Variants in PXDN observed in about 807,000 individuals in gnomAD.
PXDN encodes the protein peroxidasin homolog.
A neutral mutation model predicts 140.3 loss-of-function variants in PXDN; 77 were observed. The observed-to-expected ratio is 0.55, with a 90% CI of 0.46 to 0.66. PXDN has a LOEUF of 0.66. Among genes scored for constraint, PXDN ranks in the 30% least tolerant of loss-of-function variants. The probability of loss-of-function intolerance (pLI) is 0.00; values close to 1 mark genes in which losing one functional copy is unlikely to be tolerated. For synonymous variants in PXDN, 911 were observed against 857.4 expected, an observed-to-expected ratio of 1.06 and a Z score of -1.09; for missense variants, 1,838 against 2,039.5, an observed-to-expected ratio of 0.90 and a Z score of 1.90.
At chr2:1,698,826 A>G (rs1684355210) in intron 1 of PXDN, among the ~76,000 whole-genome samples, 1 of 152,208 alleles carries the variant, frequency 6.6e-6, no homozygotes, top group Non-Finnish European at 1.5e-5. Context: ...CAAAGAGAAG[A>G]CTGCAATAAC....
rs2125445721 is a variant in PXDN at position 1,685,747 on chromosome 2, CG to C, written c.417-1597del. Among the ~76,000 whole-genome samples the C allele has an allele frequency of 7.3e-6, 1 of 136,696 alleles. No homozygotes were observed. The highest frequency in any genetic ancestry group is 2.0e-4 in the East Asian group (1 of 5,060). The allele number at this position is 136,696 out of a possible 152,430, so 89.7% of individuals were successfully genotyped here. A position where few individuals can be genotyped will look rare whatever the true frequency, so the allele number is the denominator to read the frequency against. On this transcript the variant is annotated intron_variant, in intron 4 of 22. Coordinates refer to ENST00000252804, the MANE Select transcript of PXDN (RefSeq NM_012293.3). This position sits in a 1 kb window ranked among gnomAD's most constrained non-coding sequence, Gnocchi z 5.1. ...CTTGGCACCTGCTGCACAGGTGCTA[CG>C]GGAAATGACGGCCCAGGGTGCACAG...
At chr2:1,733,674 G>A (rs1027488023) in intron 1 of PXDN, among the ~76,000 whole-genome samples, 15 of 148,946 alleles carry the variant, frequency 1.0e-4, no homozygotes, top group African/African-American at 1.5e-4. Context: ...CCCGGGAGGC[G>A]GAGGCTGCAG....
Position 1,660,889 on chromosome 2 carries a change from C to T in PXDN, c.1829G>A (p.Ser610Asn). The change falls in exon 14 of 23, where the codon AGT becomes AAT. Residue 610 changes from serine to asparagine, a missense_variant. By Grantham distance (46) the Ser-to-Asn change is conservative. This residue lies in a region of PXDN where 537 missense variants were observed against 583.9 expected (regional missense o/e 0.92). Coordinates refer to ENST00000252804, the MANE Select transcript of PXDN (RefSeq NM_012293.3). The surrounding 1 kb of genome is among the most constrained non-coding windows in gnomAD (Gnocchi z 4.6). Reference protein sequence around the residue: ...IGSASVSMVLSVNVPDVSRNG... With the variant: ...IGSASVSMVLNVNVPDVSRNG... ...GGCATGTGGCATCTTACCATTCACACTGAGCACCATGCTCACCGAGGCCGA... is the reference window on the plus strand; with the variant it reads ...GGCATGTGGCATCTTACCATTCACATTGAGCACCATGCTCACCGAGGCCGA... The T allele has an allele frequency of 1.2e-6, 2 of 1,611,714 alleles. No homozygotes were observed. Among genetic ancestry groups the T allele is most frequent in the Non-Finnish European group, 1.7e-6 (2 of 1,178,494 alleles).
Position 1,680,284 on chromosome 2 carries a change from C to G in PXDN, c.639G>C (p.Ser213=). The change falls in exon 7 of 23, where the codon TCG becomes TCC. Residue 213 remains serine (S), a synonymous_variant. Transcript: ENST00000252804. ...AGATGGCCGCTGCCTGCGCGTTCCC[C>G]GACTCCGCGTAGGTTTTCAGCAAAT... The part of the protein sequence containing the change: ...LADLLKTYAE[S]GNAQAAAICE... The G allele has an allele frequency of 6.2e-7, 1 of 1,613,970 alleles. No individual in the cohort carries two copies. The highest frequency in any genetic ancestry group is 1.1e-5 in the South Asian group (1 of 91,072).
At chr2:1,728,794 T>C (rs1301085595) in intron 1 of PXDN, among the ~76,000 whole-genome samples, 1 of 152,152 alleles carries the variant, frequency 6.6e-6, no homozygotes, top group Non-Finnish European at 1.5e-5. Flanking sequence ...GAATCAACAA[T>C]GTACAGAAAC....
chr2:1,648,101 A>T lies in PXDN; in HGVS notation c.3608+71T>A. On this transcript the variant is annotated intron_variant, in intron 17 of 22. Transcript: ENST00000252804. This position sits in a 1 kb window ranked among gnomAD's most constrained non-coding sequence, Gnocchi z 8.9. ...AAACTCACACACAGAGACAAATAAC[A>T]CACACACCACAGTTCAGGTGTTCCA... The T allele has an allele frequency of 6.5e-7, 1 of 1,526,814 alleles. No homozygotes were observed. The highest frequency in any genetic ancestry group is 8.9e-7 in the Non-Finnish European group (1 of 1,122,862). The allele number at this position is 1,526,814 out of a possible 1,614,324, so 94.6% of individuals were successfully genotyped here. A position where few individuals can be genotyped will look rare whatever the true frequency, so the allele number is the denominator to read the frequency against.
intron 1 of PXDN, among the ~76,000 whole-genome samples, chr2:1,719,837 TG>T (rs1558525400): frequency 1.5e-3 from 58 of 38,952 alleles, no homozygotes; most frequent in Admixed American, 4.0e-3. Context: ...GCGTGCATTG[TG>T]TGTGTGTGTG....
rs565157562 is a variant in PXDN at position 1,709,439 on chromosome 2, C to T, written c.201-16305G>A. 1.4e-3 allele frequency among the ~76,000 whole-genome samples: 219 copies of T among 152,108 alleles called. 1 individual carries two copies. Among genetic ancestry groups the T allele is most frequent in the Admixed American group, 6.2e-3 (95 of 15,298 alleles). On this transcript the variant is annotated intron_variant, in intron 1 of 22. Transcript: ENST00000252804. Reference sequence around the variant, plus strand: ...GACAGGGTGAGGAAAGGACCTCTAACGGAAGCCACAGCGGGGCTGGGGTGC... The same window carrying T: ...GACAGGGTGAGGAAAGGACCTCTAATGGAAGCCACAGCGGGGCTGGGGTGC...
intron 1 of PXDN, among the ~76,000 whole-genome samples, chr2:1,715,052 TAC>T (rs1684864130): frequency 6.6e-6 from 1 of 151,894 alleles, no homozygotes; most frequent in South Asian, 2.1e-4. Flanking sequence ...TTCATGCATA[TAC>T]AGTTTACTCT....
In PXDN at chr2:1,665,041, CT is replaced by C; in HGVS notation, c.1324del (p.Arg442GlufsTer76). 1 of 1,611,510 alleles carries C rather than the reference CT, an allele frequency of 6.2e-7. No individual in the cohort carries two copies. Among genetic ancestry groups the C allele is most frequent in the Non-Finnish European group, 8.5e-7 (1 of 1,178,784 alleles). On this transcript the variant is annotated frameshift_variant, in exon 11 of 23. Transcript: ENST00000252804. LOFTEE classifies it high-confidence loss of function. ...LPQFTVTPQDRVVIEGQTVDF... is the reference protein window; with the variant it reads ...LPQFTVTPQDXVVIEGQTVDF... ...CACGGTCTGGCCCTCAATAACGACT[CT>C]GTCCTGAGGCGTCACAGTGAACTGA...
At chr2:1,654,762 A>G (rs1683091549) in intron 14 of PXDN, among the ~76,000 whole-genome samples, 1 of 152,224 alleles carries the variant, frequency 6.6e-6, no homozygotes, top group Non-Finnish European at 1.5e-5. Context: ...TATAATGTGA[A>G]GCATGGAAGA....
At chr2:1,638,759 A>C in intron 21 of PXDN, 87 bp downstream of exon 21, 14 of 1,571,538 alleles carry the variant, frequency 8.9e-6, no homozygotes, top group Non-Finnish European at 1.0e-5. Context: ...TTGCCTGGGA[A>C]TAAAATGCTA....
chr2:1,634,559 T>G (rs1019678267), intron 22 of PXDN, among the ~76,000 whole-genome samples: 13 of 152,124 alleles, frequency 8.5e-5, no homozygotes, highest in Non-Finnish European at 1.9e-4. Flanking sequence ...TCCCTGAGGC[T>G]CCCGTCCCAC....
At chr2:1,720,309 CAGAG>C (rs779262133) in intron 1 of PXDN, among the ~76,000 whole-genome samples, 1 of 63,312 alleles carries the variant, frequency 1.6e-5, no homozygotes, top group African/African-American at 6.4e-5. Flanking sequence ...GGGAGGGATG[CAGAG>C]AGAGAGAGAT....
intron 22 of PXDN, 124 bp from the exon 23 acceptor site, chr2:1,634,447 C>G (rs1252630243): frequency 1.6e-6 from 2 of 1,251,042 alleles, no homozygotes; most frequent in East Asian, 5.2e-5. Context: ...GAGGCCCCTG[C>G]CTTGCCCGCT....
At chr2:1,643,014 G>C (rs1166758578) in intron 19 of PXDN, among the ~76,000 whole-genome samples, 1 of 152,158 alleles carries the variant, frequency 6.6e-6, no homozygotes. Flanking sequence ...TCCATATTTT[G>C]ATTTTCGTCT....
rs1682469141 is a variant in PXDN, at chr2:1,633,539, G to A, written c.*665C>T. The A allele has an allele frequency of 6.6e-6, 1 of 152,006 alleles. No individual in the cohort carries two copies. Among genetic ancestry groups the A allele is most frequent in the African/African-American group, 2.4e-5 (1 of 41,332 alleles). 9.4% of individuals were successfully genotyped at this position (152,006 alleles called of 1,614,324 possible). On this transcript the variant is annotated 3_prime_UTR_variant, in exon 23 of 23. Coordinates refer to ENST00000252804, the MANE Select transcript of PXDN (RefSeq NM_012293.3). ...CGAGCAGCGGGAATGTTTGTCTTGGGATTAGATGCTGACGTGTGGTGAAAT... is the reference window on the plus strand; with the variant it reads ...CGAGCAGCGGGAATGTTTGTCTTGGAATTAGATGCTGACGTGTGGTGAAAT...
chr2:1,663,846 G>A, intron 11 of PXDN, 83 bp from the exon 12 acceptor site: 1 of 1,537,128 alleles, frequency 6.5e-7, no homozygotes, highest in Non-Finnish European at 8.8e-7. Flanking sequence ...GACCACAGAA[G>A]CTTGTCTCCA....
intron 1 of PXDN, among the ~76,000 whole-genome samples, chr2:1,743,769 G>A (rs1685614447): frequency 7.1e-6 from 1 of 140,920 alleles, no homozygotes; most frequent in African/African-American, 2.6e-5. Context: ...CGAGGAACGG[G>A]GCGGAGGGGG....
Sources: gnomAD v4.1 joint callset for allele counts (sites outside exome capture counted in the v4.1 genomes callset) on GRCh38, gnomAD v4.1.1 for gene constraint, gnomAD v4.1.1 regional missense constraint, Gnocchi (gnomAD v3.1) non-coding constraint, MANE v1.5 for transcripts, NCBI Gene and HGNC (gene_info 2026-07-23, HGNC 2026-07-21) for gene names.